The following BCAT1 variants were observed in gnomAD, a reference collection of about 807,000 sequenced individuals.
BCAT1 encodes branched-chain-amino-acid aminotransferase, cytosolic.
In BCAT1, 48 loss-of-function variants were observed where a neutral mutation model predicts 52.4. The observed-to-expected ratio is 0.92, with a 90% CI of 0.73 to 1.16. The LOEUF (loss-of-function observed/expected upper bound fraction) is 1.16, where lower values mean the gene tolerates loss of function less well. BCAT1 is among the 50% of genes most tolerant of loss of function. BCAT1 has a pLI of 0.00. For missense variants in BCAT1, 451 were observed against 457.1 expected (o/e 0.99, Z 0.12); for synonymous variants, 167 against 161.3 (o/e 1.04, Z -0.27).
chr12:24,884,225 C>A (rs774415399), intron 3 of BCAT1, among the ~76,000 whole-genome samples: 9 of 152,120 alleles, frequency 5.9e-5, no homozygotes, highest in Non-Finnish European at 1.2e-4. Context: ...GGACATTATG[C>A]TAAGTGAAAC....
At chr12:24,931,878 C>A (rs1374088888) in intron 1 of BCAT1, among the ~76,000 whole-genome samples, 4 of 152,090 alleles carry the variant, frequency 2.6e-5, no homozygotes, top group Non-Finnish European at 5.9e-5. Flanking sequence ...GTAAAAGATG[C>A]CAAGAGGAAG....
At chr12:24,919,671 C>T (rs1169124547) in intron 1 of BCAT1, among the ~76,000 whole-genome samples, 1 of 152,184 alleles carries the variant, frequency 6.6e-6, no homozygotes, top group Non-Finnish European at 1.5e-5. Flanking sequence ...GATTTAATTC[C>T]AGCAATACCA....
chr12:24,828,951 G>A (rs923630186), intron 10 of BCAT1, among the ~76,000 whole-genome samples: 1 of 151,994 alleles, frequency 6.6e-6, no homozygotes, highest in East Asian at 1.9e-4. Context: ...AGGTTGTAGT[G>A]AGCTGAGATC....
chr12:24,821,432 T>A (rs1392242098), intron 10 of BCAT1, among the ~76,000 whole-genome samples: 1 of 152,190 alleles, frequency 6.6e-6, no homozygotes, highest in African/African-American at 2.4e-5. Flanking sequence ...CCCTGATACT[T>A]AAAAGCCAGG....
At chr12:24,890,080 A>C (rs1007942182) in intron 3 of BCAT1, among the ~76,000 whole-genome samples, 17 of 152,208 alleles carry the variant, frequency 1.1e-4, no homozygotes, top group African/African-American at 4.1e-4. Context: ...TATCCTTTAT[A>C]ATAAACCACT....
intron 2 of BCAT1, among the ~76,000 whole-genome samples, chr12:24,898,075 G>T (rs1020723960): frequency 6.6e-6 from 1 of 152,100 alleles, no homozygotes. Flanking sequence ...CATGTGACTC[G>T]TTTGGGGCAG....
At position 24,832,798 on chromosome 12, in the gene BCAT1, G is replaced by A. The variant is rs775303912; in HGVS notation, c.969C>T (p.Asn323=). The change falls in exon 9 of 11, where the codon AAC becomes AAT. Residue 323 remains asparagine, a synonymous_variant. Transcript: ENST00000261192. ...CAGAGCCAAACATCTCTCTCACTCT[G>A]TTCCCCTCCAGGGCTGTTGTCAAGT... ...MDDLTTALEG[N]RVREMFGSGT... is the part of the protein sequence containing the mutation. 3.7e-6 allele frequency: 6 copies of A among 1,611,932 alleles called. No individual in the cohort carries two copies. In the East Asian group the frequency reaches 1.3e-4, roughly 36 times the overall value.
intron 1 of BCAT1, among the ~76,000 whole-genome samples, chr12:24,943,727 G>C (rs373906284): frequency 1.3e-5 from 2 of 152,180 alleles, no homozygotes; most frequent in Admixed American, 1.3e-4. Context: ...GCTCACGCCT[G>C]TAATCCCAGC....
rs1939837766 is a variant in BCAT1 at position 24,815,322 on chromosome 12, CA to C, written c.*2685del. Reference sequence around the variant, plus strand: ...AATGCACTTGTGAATTGCTGAATCTCATTTGATCAACCCAATTAAACATTAA... The same window carrying C: ...AATGCACTTGTGAATTGCTGAATCTCTTTGATCAACCCAATTAAACATTAA... On this transcript the variant is annotated 3_prime_UTR_variant, in exon 11 of 11. Transcript: ENST00000261192. 6.6e-6 allele frequency: 1 copy of C among 152,594 alleles called. No homozygotes were observed. Among genetic ancestry groups the C allele is most frequent in the African/African-American group, 2.4e-5 (1 of 41,454 alleles). The allele number at this position is 152,594 out of a possible 1,614,324, so 9.5% of individuals were successfully genotyped here.
intron 5 of BCAT1, among the ~76,000 whole-genome samples, chr12:24,866,918 A>G (rs937379356): frequency 6.6e-5 from 10 of 152,112 alleles, no homozygotes; most frequent in African/African-American, 2.4e-4. Context: ...CCCCTTCCAT[A>G]CTGTGGAAGC....
intron 6 of BCAT1, among the ~76,000 whole-genome samples, chr12:24,843,355 G>A (rs1941230265): frequency 6.6e-6 from 1 of 152,090 alleles, no homozygotes; most frequent in Admixed American, 6.5e-5. Flanking sequence ...TGTAATCCTA[G>A]CACTTTAGGA....
intron 4 of BCAT1, among the ~76,000 whole-genome samples, chr12:24,880,844 G>GTT (rs11369972): frequency 0.049 from 6,950 of 141,564 alleles, 198 homozygotes; most frequent in Non-Finnish European, 0.064. Context: ...TTTGTTTTTT[G>GTT]TTTTTTTTTT....
chr12:24,849,981 A>T (rs1565462160), intron 5 of BCAT1, 32 bp from the exon 6 acceptor site: 8 of 1,553,322 alleles, frequency 5.2e-6, no homozygotes, highest in Non-Finnish European at 6.1e-6. Context: ...TACAACTGTA[A>T]CTTAAAATGT....
intron 1 of BCAT1, among the ~76,000 whole-genome samples, chr12:24,911,765 C>T (rs999682096): frequency 2.0e-5 from 3 of 152,058 alleles, no homozygotes; most frequent in Non-Finnish European, 4.4e-5. Flanking sequence ...AAACCCTAAG[C>T]GTGGCAAGCC....
chr12:24,875,636 C>T lies in BCAT1; in HGVS notation c.510+2894G>A, dbSNP rs573759166. ...CTTGAATGTGGGCAGGCATCACAAT[C>T]ACTCACCAGATCTACTCAGAGTCTC... On this transcript the variant is annotated intron_variant, in intron 5 of 10. Coordinates refer to ENST00000261192, the MANE Select transcript of BCAT1 (RefSeq NM_005504.7). Among the ~76,000 whole-genome samples the T allele has an allele frequency of 1.4e-3, 214 of 152,166 alleles. 1 individual carries two copies. The highest frequency in any genetic ancestry group is 3.5e-3 in the Admixed American group (53 of 15,282).
At position 24,947,944 on chromosome 12, in the gene BCAT1, T is replaced by C. The variant is rs141328428; in HGVS notation, c.6+983A>G. The stretch of plus-strand genomic sequence containing the variant: ...TTTCCACTCGGTTACTGTTTAATTG[T>C]AGTGAAAGTTTTTGTTTGGCAACAA... On this transcript the variant is annotated intron_variant, in intron 1 of 10. Transcript: ENST00000261192. 1.1e-4 allele frequency among the ~76,000 whole-genome samples: 17 copies of C among 152,366 alleles called. 1 individual carries two copies. The highest frequency in any genetic ancestry group is 3.8e-4 in the African/African-American group (16 of 41,580).
intron 5 of BCAT1, among the ~76,000 whole-genome samples, chr12:24,858,759 C>T (rs543744683): frequency 7.9e-5 from 12 of 152,232 alleles, no homozygotes; most frequent in East Asian, 3.9e-4. Context: ...ACCTGCAAGG[C>T]GTGTAAGGAA....
intron 3 of BCAT1, among the ~76,000 whole-genome samples, chr12:24,884,441 A>G (rs542422850): frequency 3.3e-5 from 5 of 152,336 alleles, no homozygotes; most frequent in African/African-American, 1.2e-4. Flanking sequence ...GACTGTAGTT[A>G]ATAATAATGT....
intron 10 of BCAT1, among the ~76,000 whole-genome samples, chr12:24,823,007 C>G (rs1940208134): frequency 6.7e-6 from 1 of 150,060 alleles, no homozygotes; most frequent in Non-Finnish European, 1.5e-5. Context: ...TACATGGTCT[C>G]ACATTTACAC....
Sources: gnomAD v4.1 joint callset for allele counts (sites outside exome capture counted in the v4.1 genomes callset) on GRCh38, gnomAD v4.1.1 for gene constraint, MANE v1.5 for transcripts, NCBI Gene and HGNC (gene_info 2026-07-23, HGNC 2026-07-21) for gene names.